Variants in SLC4A9 observed in about 807,000 individuals in gnomAD.
The protein encoded by SLC4A9 is anion exchange protein 4.
Under a neutral mutation model 103.2 loss-of-function variants are expected in SLC4A9, and 102 were observed. The observed-to-expected ratio is 0.99, with a 90% CI of 0.84 to 1.17. The LOEUF is 1.17. SLC4A9 is among the 50% of genes most tolerant of loss of function. The probability of loss-of-function intolerance (pLI) is 0.00; values close to 1 mark genes in which losing one functional copy is unlikely to be tolerated. For synonymous variants in SLC4A9, 453 were observed against 483.6 expected, an observed-to-expected ratio of 0.94 and a Z score of 0.83; for missense variants, 1,091 against 1,193.7, an observed-to-expected ratio of 0.91 and a Z score of 1.27.
At chr5:140,362,342 A>G in intron 5 of SLC4A9, 103 bp from the exon 6 acceptor site, 1 of 1,296,240 alleles carries the variant, frequency 7.7e-7, no homozygotes, top group Non-Finnish European at 1.1e-6. Context: ...TGTGCAAATG[A>G]GTGTGTTTAT....
At position 140,362,545 on chromosome 5, in the gene SLC4A9, GGT is replaced by G. The variant is rs745338415; in HGVS notation, c.807+25_807+26del. On this transcript the variant is annotated intron_variant, in intron 6 of 21. Coordinates refer to ENST00000506757, the MANE Select transcript of SLC4A9 (RefSeq NM_031467.3). Reference sequence around the variant, plus strand: ...CCTCAGTGACCCGGTGAGCTGAGCAGGTGTGTGTGTGTGCGCGCGCACGCGTG... The same window carrying G: ...CCTCAGTGACCCGGTGAGCTGAGCAGGTGTGTGTGTGCGCGCGCACGCGTG... The G allele has an allele frequency of 1.1e-3, 1,712 of 1,611,084 alleles. 1 individual carries two copies. Among genetic ancestry groups the G allele is most frequent in the Non-Finnish European group, 1.3e-3 (1,518 of 1,177,636 alleles).
chr5:140,362,000 C>T lies in SLC4A9; in HGVS notation c.562-17C>T. 1 of 1,613,712 alleles carries T rather than the reference C, an allele frequency of 6.2e-7. No individual in the cohort carries two copies. Among genetic ancestry groups the T allele is most frequent in the Non-Finnish European group, 8.5e-7 (1 of 1,179,808 alleles). On this transcript the variant is annotated splice_polypyrimidine_tract_variant and intron_variant, in intron 4 of 21. Coordinates refer to ENST00000506757, the MANE Select transcript of SLC4A9 (RefSeq NM_031467.3). Reference sequence around the variant, plus strand: ...AATAACCTTTCATATTCTGTGTCTCCTTGAACCCCCATCCAGTGTCAGAAC... The same window carrying T: ...AATAACCTTTCATATTCTGTGTCTCTTTGAACCCCCATCCAGTGTCAGAAC...
At chr5:140,368,504 G>A in intron 16 of SLC4A9, 83 bp from the exon 17 acceptor site, 1 of 1,206,316 alleles carries the variant, frequency 8.3e-7, no homozygotes, top group Non-Finnish European at 1.2e-6. Flanking sequence ...GCCGGGGTCT[G>A]TACTGGTATT....
In SLC4A9 at chr5:140,364,456, G is replaced by GCCT; in HGVS notation, c.1483_1484insCTC (p.Val494_Leu495insPro). The GCCT allele has an allele frequency of 6.2e-7, 1 of 1,613,380 alleles. No homozygotes were observed. Among genetic ancestry groups the GCCT allele is most frequent in the Non-Finnish European group, 8.5e-7 (1 of 1,179,616 alleles). ...TGCTGGTGGCCACAGAGGCCAGTGT[G>GCCT]CTGGTGCGCTACTTCACCCGCTTCA... is the stretch of plus-strand genomic sequence containing the variant. On this transcript the variant is annotated inframe_insertion, in exon 11 of 22. Transcript: ENST00000506757.
At chr5:140,371,392 G>A (rs1001570050) in intron 18 of SLC4A9, 59 bp from the exon 19 acceptor site, 41 of 1,597,046 alleles carry the variant, frequency 2.6e-5, no homozygotes, top group Non-Finnish European at 3.4e-5. Flanking sequence ...AGCTATCAGT[G>A]ACACCCTCCT....
intron 20 of SLC4A9, 71 bp downstream of exon 20, chr5:140,372,468 T>C (rs1768872006): frequency 6.4e-7 from 1 of 1,574,532 alleles, no homozygotes; most frequent in Non-Finnish European, 8.6e-7. Flanking sequence ...CCAGGAGCTG[T>C]CCCTAAATAA....
rs1561562240 is a variant in SLC4A9, at chr5:140,360,225, T to C, written c.-12T>C. 6.2e-7 allele frequency: 1 copy of C among 1,605,780 alleles called. No homozygotes were observed. The highest frequency in any genetic ancestry group is 8.5e-7 in the Non-Finnish European group (1 of 1,175,668). ...TAGGACTGTACTGGTTCTGAGATTC[T>C]GTGCAAGCCTCATGGAAATGAAGCT... is the stretch of plus-strand genomic sequence containing the variant. On this transcript the variant is annotated 5_prime_UTR_variant, in exon 1 of 22. Coordinates refer to ENST00000506757, the MANE Select transcript of SLC4A9 (RefSeq NM_031467.3).
rs1216511445 is a variant in SLC4A9, at chr5:140,363,372, G to A, written c.963-67G>A. On this transcript the variant is annotated intron_variant, in intron 7 of 21. Transcript: ENST00000506757. The surrounding 1 kb of genome is among the most constrained non-coding windows in gnomAD (Gnocchi z 4.5). ...CAGCCGCTAGGGGGCAGGGCGCCAC[G>A]AGCTCTGGACCGAGTCGCAGACTGG... The A allele has an allele frequency of 1.4e-6, 2 of 1,411,152 alleles. No homozygotes were observed. Among genetic ancestry groups the A allele is most frequent in the Non-Finnish European group, 9.7e-7 (1 of 1,029,972 alleles). The allele number at this position is 1,411,152 out of a possible 1,614,324, so 87.4% of individuals were successfully genotyped here. A position where few individuals can be genotyped will look rare whatever the true frequency, so the allele number is the denominator to read the frequency against.
At chr5:140,365,707 C>G (rs1767776821) in intron 12 of SLC4A9, 127 bp from the exon 13 acceptor site, 1 of 1,408,018 alleles carries the variant, frequency 7.1e-7, no homozygotes, top group African/African-American at 1.4e-5. Flanking sequence ...CCATTTCCTA[C>G]AGCTGGGAAC....
rs1768925429 is a variant in SLC4A9, at chr5:140,372,820, G to A, written c.*22G>A. On this transcript the variant is annotated 3_prime_UTR_variant, in exon 21 of 22. Transcript: ENST00000506757. ...TTAGCTGGAGTAGGAGTCTGGGAGT[G>A]GAGACCCCAGGAAACAGCATGAGGT... 3.9e-6 allele frequency: 6 copies of A among 1,542,590 alleles called. No individual in the cohort carries two copies. Among genetic ancestry groups the A allele is most frequent in the Non-Finnish European group, 5.3e-6 (6 of 1,141,778 alleles).
At chr5:140,366,360 C>A in intron 14 of SLC4A9, 96 bp downstream of exon 14, 2 of 826,302 alleles carry the variant, frequency 2.4e-6, no homozygotes, top group Non-Finnish European at 3.8e-6. Flanking sequence ...CTTCTCTAAG[C>A]TTCTTTCTTC....
chr5:140,360,555 G>GC, intron 1 of SLC4A9, 89 bp downstream of exon 1: 1 of 1,284,500 alleles, frequency 7.8e-7, no homozygotes, highest in Non-Finnish European at 1.1e-6. Context: ...TTATGGGGCT[G>GC]CCCAAAATTA....
Position 140,374,900 on chromosome 5 carries a change from G to A in SLC4A9, c.*119G>A, listed in dbSNP as rs1357955514. The A allele has an allele frequency of 6.6e-6, 1 of 152,200 alleles. No homozygotes were observed. The highest frequency in any genetic ancestry group is 1.5e-5 in the Non-Finnish European group (1 of 68,076). 9.4% of individuals were successfully genotyped at this position (152,200 alleles called of 1,614,324 possible). A position where few individuals can be genotyped will look rare whatever the true frequency, so the allele number is the denominator to read the frequency against. ...AGTTACCTCCTGACCTGAGGGTGGA[G>A]AGTGGCAGGAAGCAAGCATGTTTGC... On this transcript the variant is annotated 3_prime_UTR_variant, in exon 22 of 22. Transcript: ENST00000506757.
Position 140,368,623 on chromosome 5 carries a change from T to C in SLC4A9, c.2391T>C (p.Leu797=). 1 of 1,613,522 alleles carries C rather than the reference T, an allele frequency of 6.2e-7. No homozygotes were observed. The highest frequency in any genetic ancestry group is 1.3e-5 in the African/African-American group (1 of 75,052). The change falls in exon 17 of 22, where the codon CTT becomes CTC. Residue 797 remains leucine, a synonymous_variant. Coordinates refer to ENST00000506757, the MANE Select transcript of SLC4A9 (RefSeq NM_031467.3). The part of the protein sequence containing the change: ...QRLTGLVVFI[L]TGASIFLAPV... ...TGACAGGCCTGGTGGTGTTCATCCT[T>C]ACAGGAGCCTCCATCTTCCTGGCAC... is the stretch of plus-strand genomic sequence containing the variant.
rs774917090 is a variant in SLC4A9 at position 140,364,165 on chromosome 5, C to T, written c.1366C>T (p.Arg456Cys). ...SSTGPVLVFE[R>C]LLFSFSRDYS... is the part of the protein sequence containing the mutation. ...CACGGGGCCAGTGCTGGTCTTTGAG[C>T]GCCTGCTCTTCTCTTTCAGCAGGTA... Residue 456 changes from arginine (R) to cysteine (C), a missense_variant, in exon 10 of 22, where the codon CGC (arginine) becomes TGC (cysteine). Physicochemically the swap from Arg to Cys is radical, Grantham distance 180. Transcript: ENST00000506757. 1.7e-5 allele frequency: 26 copies of T among 1,574,002 alleles called. No individual in the cohort carries two copies. The highest frequency in any genetic ancestry group is 2.7e-5 in the African/African-American group (2 of 73,492).
intron 17 of SLC4A9, chr5:140,370,848 G>A (rs970017934): frequency 5.8e-6 from 3 of 513,336 alleles, no homozygotes; most frequent in African/African-American, 5.7e-5. Context: ...CCAGGTAATG[G>A]ACAAAGTTAC....
intron 6 of SLC4A9, among the ~76,000 whole-genome samples, 166 bp from the exon 7 acceptor site, chr5:140,362,746 G>A (rs1767291110): frequency 6.6e-6 from 1 of 152,182 alleles, no homozygotes; most frequent in Non-Finnish European, 1.5e-5. Flanking sequence ...CACACTGTAG[G>A]CACTCAATAG....
chr5:140,372,181 C>G lies in SLC4A9; in HGVS notation c.2671-61C>G, dbSNP rs1470097987. On this transcript the variant is annotated intron_variant, in intron 19 of 21. Transcript: ENST00000506757. ...CATAGGAAGTGCTCAATAAGTGTTACTATTGTTAATGTTCCTACTACTGTT... is the reference window on the plus strand; with the variant it reads ...CATAGGAAGTGCTCAATAAGTGTTAGTATTGTTAATGTTCCTACTACTGTT... 2.8e-6 allele frequency: 4 copies of G among 1,412,106 alleles called. No individual in the cohort carries two copies. The African/African-American group carries it at 5.8e-5, about 21-fold the overall frequency. 87.5% of individuals were successfully genotyped at this position (1,412,106 alleles called of 1,614,324 possible). A position where few individuals can be genotyped will look rare whatever the true frequency, so the allele number is the denominator to read the frequency against.
rs1242275473 is a variant in SLC4A9 at position 140,365,880 on chromosome 5, C to G, written c.1757C>G (p.Thr586Ser). 1 of 1,613,972 alleles carries G rather than the reference C, an allele frequency of 6.2e-7. No homozygotes were observed. Among genetic ancestry groups the G allele is most frequent in the South Asian group, 1.1e-5 (1 of 91,082 alleles). ...NASLLPPPEC[T>S]RQGGHPRGPG... ...TCCTTGCTGCCGCCACCTGAGTGCA[C>G]CCGGCAGGGAGGCCACCCTCGTGGC... The change falls in exon 13 of 22, where the codon ACC (threonine) becomes AGC (serine). Residue 586 changes from threonine (T) to serine (S), a missense_variant. Thr to Ser is a moderately conservative substitution (Grantham distance 58, BLOSUM62 1). Transcript: ENST00000506757.
Sources: allele counts gnomAD v4.1 joint callset (sites outside exome capture counted in the v4.1 genomes callset), GRCh38; gene constraint gnomAD v4.1.1; non-coding constraint Gnocchi (gnomAD v3.1); transcripts MANE v1.5; gene names NCBI Gene and HGNC (gene_info 2026-07-23, HGNC 2026-07-21).